Variants in EIF4EBP2 observed in about 807,000 individuals in gnomAD.
The protein encoded by EIF4EBP2 is eukaryotic translation initiation factor 4E-binding protein 2.
EIF4EBP2 carries 5 observed loss-of-function variants against 10.3 expected under a neutral mutation model. The ratio of observed to expected loss-of-function variants is 0.48; its 90% CI spans 0.25 to 1.02. EIF4EBP2 has a LOEUF of 1.02. Among genes scored for constraint, EIF4EBP2 ranks in the 50% least tolerant of loss-of-function variants. EIF4EBP2 has a pLI of 0.15. For synonymous variants in EIF4EBP2, 67 were observed against 61.1 expected, an observed-to-expected ratio of 1.10 and a Z score of -0.45; for missense variants, 188 against 162.2, an observed-to-expected ratio of 1.16 and a Z score of -0.86.
At position 70,420,103 on chromosome 10, in the gene EIF4EBP2, A is replaced by G; in HGVS notation, c.331+4A>G. On this transcript the variant is annotated splice_donor_region_variant and intron_variant, in intron 2 of 2. Coordinates refer to ENST00000373218, the MANE Select transcript of EIF4EBP2 (RefSeq NM_004096.5). ...CACGACAGGAAACATGCAGTTGGTA[A>G]GAGAATGGCGATGTTGGAGACCTAG... 1 of 1,598,010 alleles carries G rather than the reference A, an allele frequency of 6.3e-7. No homozygotes were observed. The highest frequency in any genetic ancestry group is 8.5e-7 in the Non-Finnish European group (1 of 1,172,740).
rs181044834 is a variant in EIF4EBP2, at chr10:70,411,500, C to T, written c.145+6954C>T. On this transcript the variant is annotated intron_variant, in intron 1 of 2. Transcript: ENST00000373218. ...AAAGCAACATTCCGATGCCCCGTTC[C>T]TTCATCTCCATTTCCACTCTCAGAG... Among the ~76,000 whole-genome samples the T allele has an allele frequency of 5.9e-5, 9 of 152,202 alleles. No homozygotes were observed. In the East Asian group the frequency reaches 1.7e-3, roughly 29 times the overall value.
chr10:70,405,441 G>A (rs1844956154), intron 1 of EIF4EBP2, among the ~76,000 whole-genome samples: 2 of 152,198 alleles, frequency 1.3e-5, no homozygotes, highest in South Asian at 4.1e-4. Flanking sequence ...CGGGAAGAGA[G>A]CTCAAAGGTT....
At chr10:70,404,834 C>G (rs773899421) in intron 1 of EIF4EBP2, among the ~76,000 whole-genome samples, 2 of 152,258 alleles carry the variant, frequency 1.3e-5, no homozygotes, top group African/African-American at 4.8e-5. Context: ...TTCTCTCTCT[C>G]CTCTCTGCCT....
chr10:70,413,625 A>G (rs967014713), intron 1 of EIF4EBP2, among the ~76,000 whole-genome samples: 11 of 151,816 alleles, frequency 7.2e-5, no homozygotes, highest in Non-Finnish European at 1.5e-4. Context: ...AAAAAAAAAA[A>G]AAAAAAGAAA....
At chr10:70,410,256 G>A (rs1377397705) in intron 1 of EIF4EBP2, among the ~76,000 whole-genome samples, 1 of 152,312 alleles carries the variant, frequency 6.6e-6, no homozygotes, top group South Asian at 2.1e-4. Flanking sequence ...TTTTAGTAGA[G>A]ATGGGGTTTT....
At chr10:70,420,259 G>C (rs1845140039) in intron 2 of EIF4EBP2, among the ~76,000 whole-genome samples, 160 bp downstream of exon 2, 1 of 152,182 alleles carries the variant, frequency 6.6e-6, no homozygotes, top group Admixed American at 6.5e-5. Context: ...GAGTGCAGTG[G>C]CACAATCTCA....
chr10:70,413,711 C>T (rs898397912), intron 1 of EIF4EBP2, among the ~76,000 whole-genome samples: 2 of 150,862 alleles, frequency 1.3e-5, no homozygotes, highest in African/African-American at 4.9e-5. Flanking sequence ...TGATTATAAA[C>T]GTTGAAAATC....
rs1845192091 is a variant in EIF4EBP2 at position 70,424,970 on chromosome 10, TA to T, written c.*3226del. ...CCCTAAATTTAGTATGTTAAAATAGTAAACATTATCTGTCAGTTTCTGTGGG... is the reference window on the plus strand; with the variant it reads ...CCCTAAATTTAGTATGTTAAAATAGTAACATTATCTGTCAGTTTCTGTGGG... On this transcript the variant is annotated 3_prime_UTR_variant, in exon 3 of 3. Transcript: ENST00000373218. 1 of 152,254 alleles carries T rather than the reference TA, an allele frequency of 6.6e-6. No homozygotes were observed. Among genetic ancestry groups the T allele is most frequent in the Non-Finnish European group, 1.5e-5 (1 of 68,046 alleles). The allele number at this position is 152,254 out of a possible 1,614,324, so 9.4% of individuals were successfully genotyped here.
intron 1 of EIF4EBP2, among the ~76,000 whole-genome samples, chr10:70,410,064 C>CT (rs999871673): frequency 2.3e-4 from 35 of 149,466 alleles, no homozygotes; most frequent in East Asian, 5.9e-4. Context: ...AAGGGAGCTG[C>CT]TTTTTTTTTT....
At chr10:70,407,459 G>A (rs1299320012) in intron 1 of EIF4EBP2, among the ~76,000 whole-genome samples, 3 of 151,974 alleles carry the variant, frequency 2.0e-5, no homozygotes, top group Admixed American at 2.0e-4. Flanking sequence ...AGGATCCCAA[G>A]GCAGAAGAAT....
chr10:70,424,704 C>A lies in EIF4EBP2; in HGVS notation c.*2957C>A, dbSNP rs1180940669. The A allele has an allele frequency of 6.6e-6, 1 of 152,192 alleles. No individual in the cohort carries two copies. Among genetic ancestry groups the A allele is most frequent in the Non-Finnish European group, 1.5e-5 (1 of 68,034 alleles). The allele number at this position is 152,192 out of a possible 1,614,324, so 9.4% of individuals were successfully genotyped here. On this transcript the variant is annotated 3_prime_UTR_variant, in exon 3 of 3. Transcript: ENST00000373218. ...ACCCATGCTTCTATACTTGGGCGGA[C>A]AATCGAGCTTAATGAGAAGTGACTT...
At chr10:70,405,988 G>A (rs746834200) in intron 1 of EIF4EBP2, among the ~76,000 whole-genome samples, 5 of 152,144 alleles carry the variant, frequency 3.3e-5, no homozygotes, top group Non-Finnish European at 5.9e-5. Context: ...AGACCAACTC[G>A]TGTTTGAGCA....
chr10:70,422,460 A>G lies in EIF4EBP2; in HGVS notation c.*713A>G, dbSNP rs1473912622. The G allele has an allele frequency of 6.6e-6, 1 of 151,802 alleles. No individual in the cohort carries two copies. Among genetic ancestry groups the G allele is most frequent in the Non-Finnish European group, 1.5e-5 (1 of 67,988 alleles). The allele number at this position is 151,802 out of a possible 1,614,324, so 9.4% of individuals were successfully genotyped here. A position where few individuals can be genotyped will look rare whatever the true frequency, so the allele number is the denominator to read the frequency against. On this transcript the variant is annotated 3_prime_UTR_variant, in exon 3 of 3. Transcript: ENST00000373218. ...ATCTTCCCATTCTTTTACTTAGTGC[A>G]TTTGTGCAGATATTTTTAACTCTGT...
At chr10:70,408,221 T>C in intron 1 of EIF4EBP2, among the ~76,000 whole-genome samples, 1 of 143,470 alleles carries the variant, frequency 7.0e-6, no homozygotes, top group South Asian at 2.3e-4. Flanking sequence ...CCCCCCCACC[T>C]CCTTCCTGGA....
At chr10:70,413,963 T>TTGG (rs1420789016) in intron 1 of EIF4EBP2, among the ~76,000 whole-genome samples, 1 of 152,194 alleles carries the variant, frequency 6.6e-6, no homozygotes, top group Non-Finnish European at 1.5e-5. Flanking sequence ...TATGGCTGCA[T>TTGG]TGGTTGACAT....
At chr10:70,408,323 C>A (rs1845005874) in intron 1 of EIF4EBP2, among the ~76,000 whole-genome samples, 1 of 152,090 alleles carries the variant, frequency 6.6e-6, no homozygotes, top group African/African-American at 2.4e-5. Context: ...GGCGGCTTAG[C>A]CAGGATGGTC....
At chr10:70,413,228 G>A (rs750692454) in intron 1 of EIF4EBP2, among the ~76,000 whole-genome samples, 21 of 152,004 alleles carry the variant, frequency 1.4e-4, no homozygotes, top group Non-Finnish European at 2.8e-4. Context: ...TAAATAATAT[G>A]TGTCTCAACC....
At position 70,423,871 on chromosome 10, in the gene EIF4EBP2, T is replaced by C. The variant is rs553494000; in HGVS notation, c.*2124T>C. 6.5e-6 allele frequency: 1 copy of C among 152,746 alleles called. No homozygotes were observed. Among genetic ancestry groups the C allele is most frequent in the Admixed American group, 6.5e-5 (1 of 15,302 alleles). 9.5% of individuals were successfully genotyped at this position (152,746 alleles called of 1,614,324 possible). A position where few individuals can be genotyped will look rare whatever the true frequency, so the allele number is the denominator to read the frequency against. On this transcript the variant is annotated 3_prime_UTR_variant, in exon 3 of 3. Coordinates refer to ENST00000373218, the MANE Select transcript of EIF4EBP2 (RefSeq NM_004096.5). ...AAGTAATTTTTGTTTGTTTGTTTAA[T>C]GTATCCCTGTTCTGTTTTTAATTAA...
intron 1 of EIF4EBP2, among the ~76,000 whole-genome samples, chr10:70,417,530 T>C (rs1005011543): frequency 2.0e-5 from 3 of 152,250 alleles, no homozygotes; most frequent in South Asian, 2.1e-4. Flanking sequence ...CCGTATCTTA[T>C]CAGCTCTTTA....
Sources: allele counts gnomAD v4.1 joint callset (sites outside exome capture counted in the v4.1 genomes callset), GRCh38; gene constraint gnomAD v4.1.1; transcripts MANE v1.5; gene names NCBI Gene and HGNC (gene_info 2026-07-23, HGNC 2026-07-21).